SV2C: variants seen among roughly 807,000 people sequenced by gnomAD.
SV2C encodes synaptic vesicle glycoprotein 2C, also known as solute carrier family 22 member B3.
SV2C carries 49 observed loss-of-function variants against 79.7 expected under a neutral mutation model. The ratio of observed to expected loss-of-function variants is 0.61; its 90% CI spans 0.49 to 0.78. SV2C has a LOEUF of 0.78. SV2C is among the 30% of genes least tolerant of loss of function. The pLI is 0.00. For missense variants in SV2C, 833 were observed against 912.9 expected (o/e 0.91, Z 1.13); for synonymous variants, 334 against 333.2 (o/e 1.00, Z -0.03).
the SV2C span, among the ~76,000 whole-genome samples, chr5:75,964,253 G>C: frequency 6.6e-6 from 1 of 152,136 alleles, no homozygotes; most frequent in African/African-American, 2.4e-5. Context: ...TGGTGAGGCT[G>C]TTCTACCAAC....
intron 4 of SV2C, among the ~76,000 whole-genome samples, chr5:76,245,906 AGG>A (rs1432696122): frequency 1.5e-5 from 2 of 130,544 alleles, no homozygotes; most frequent in South Asian, 5.1e-4. Context: ...CTATTGAGGC[AGG>A]GGAGTGTGTG....
chr5:76,046,016 A>G, the SV2C span, among the ~76,000 whole-genome samples: 1 of 152,206 alleles, frequency 6.6e-6, no homozygotes, highest in African/African-American at 2.4e-5. Context: ...AAAACAGACT[A>G]TGAGTCTGTA....
Position 76,298,831 on chromosome 5 carries a change from G to C in SV2C, c.1540G>C (p.Asp514His), listed in dbSNP as rs1360069562. ...GVKFKSVTFKDSVFKSCTFED... is the reference protein window; with the variant it reads ...GVKFKSVTFKHSVFKSCTFED... ...CAAGTTCAAATCTGTAACTTTCAAA[G>C]ACTCTGTTTTTAAGTCCTGCACCTT... The change falls in exon 10 of 13, where the codon GAC becomes CAC. Residue 514 changes from aspartate to histidine, a missense_variant. Physicochemically the swap from Asp to His is moderately conservative, Grantham distance 81. Transcript: ENST00000502798. 6.2e-7 allele frequency: 1 copy of C among 1,613,958 alleles called. No individual in the cohort carries two copies.
At chr5:76,236,094 G>T (rs1205281364) in intron 4 of SV2C, among the ~76,000 whole-genome samples, 1 of 152,130 alleles carries the variant, frequency 6.6e-6, no homozygotes, top group Non-Finnish European at 1.5e-5. Context: ...GTTGGCACAT[G>T]CTCCACACAC....
intron 2 of SV2C, among the ~76,000 whole-genome samples, chr5:76,158,486 A>G (rs2112243770): frequency 6.6e-6 from 1 of 152,066 alleles, no homozygotes; most frequent in East Asian, 1.9e-4. Context: ...AAGACAATTT[A>G]TTAGGATGAT....
the SV2C span, among the ~76,000 whole-genome samples, chr5:75,917,146 T>C: frequency 6.6e-6 from 1 of 152,222 alleles, no homozygotes; most frequent in Non-Finnish European, 1.5e-5. Flanking sequence ...AAACTATTTG[T>C]ACTTTAATCT....
rs747727420 is a variant in SV2C, at chr5:76,300,839, T to C, written c.1747T>C (p.Tyr583His). ...FDDDYSAYWI[Y>H]FVNFLGTLAV... ...TGATGACTATAGTGCCTACTGGATT[T>C]ATTTTGTCAACTTTCTGGGGACATT... is the stretch of plus-strand genomic sequence containing the variant. Residue 583 changes from tyrosine (Y) to histidine (H), a missense_variant, in exon 11 of 13, where the codon TAT (tyrosine) becomes CAT (histidine). By Grantham distance (83) the Tyr-to-His change is moderately conservative. Transcript: ENST00000502798. The C allele has an allele frequency of 1.9e-6, 3 of 1,614,206 alleles. No homozygotes were observed. The South Asian group carries it at 3.3e-5, about 18-fold the overall frequency.
chr5:76,351,012 C>CAAA (rs57145451), intron 12 of SV2C, among the ~76,000 whole-genome samples: 8 of 136,510 alleles, frequency 5.9e-5, no homozygotes, highest in African/African-American at 2.1e-4. Context: ...GACTCCATCT[C>CAAA]AAAAAAAAAA....
At chr5:75,917,549 G>A in the SV2C span, among the ~76,000 whole-genome samples, 3 of 152,158 alleles carry the variant, frequency 2.0e-5, no homozygotes, top group African/African-American at 7.2e-5. Flanking sequence ...TATGTTAAGT[G>A]AAATAAGCCA....
intron 4 of SV2C, among the ~76,000 whole-genome samples, chr5:76,246,478 G>A (rs563678570): frequency 6.6e-6 from 1 of 152,272 alleles, no homozygotes; most frequent in East Asian, 1.9e-4. Context: ...ACTCTGACAG[G>A]CAGCTAGACA....
rs1745461318 is a variant in SV2C at position 76,232,638 on chromosome 5, GT to G, written c.913+22754del. On this transcript the variant is annotated intron_variant, in intron 4 of 12. Coordinates refer to ENST00000502798, the MANE Select transcript of SV2C (RefSeq NM_014979.4). ...GTATAAGGTGTAAGGAAGGGATCCA[GT>G]TTCAGCTTTCTACATATGGCTAGCC... is the stretch of plus-strand genomic sequence containing the variant. Among the ~76,000 whole-genome samples the G allele has an allele frequency of 4.0e-5, 6 of 148,900 alleles. No individual in the cohort carries two copies. The South Asian group carries it at 1.3e-3, about 31-fold the overall frequency.
At chr5:76,295,239 A>T (rs1007108471) in intron 8 of SV2C, among the ~76,000 whole-genome samples, 16 of 152,180 alleles carry the variant, frequency 1.1e-4, no homozygotes, top group Non-Finnish European at 5.9e-5. Context: ...TGCTTCCAAG[A>T]TGGCAGCTTG....
the SV2C span, among the ~76,000 whole-genome samples, chr5:75,989,614 A>G: frequency 6.6e-6 from 1 of 151,932 alleles, no homozygotes; most frequent in East Asian, 1.9e-4. Flanking sequence ...GTGTCTTTAT[A>G]GTAGAATGAT....
At chr5:76,295,991 A>T (rs1156922136) in intron 9 of SV2C, 49 bp downstream of exon 9, 1 of 1,503,624 alleles carries the variant, frequency 6.7e-7, no homozygotes. Flanking sequence ...ACAAAAACTT[A>T]TTTCTTCTTA....
At chr5:75,980,010 T>C in the SV2C span, among the ~76,000 whole-genome samples, 1 of 151,812 alleles carries the variant, frequency 6.6e-6, no homozygotes, top group Non-Finnish European at 1.5e-5. Context: ...AAGACGCAAA[T>C]AAACACGATC....
At chr5:76,260,294 A>G (rs907375207) in intron 4 of SV2C, among the ~76,000 whole-genome samples, 1 of 151,638 alleles carries the variant, frequency 6.6e-6, no homozygotes, top group Non-Finnish European at 1.5e-5. Context: ...GAGGTCGTTT[A>G]TTTTTTTCTT....
chr5:76,101,931 A>G (rs79878436), intron 1 of SV2C, among the ~76,000 whole-genome samples: 3,694 of 152,266 alleles, frequency 0.024, 156 homozygotes, highest in African/African-American at 0.084. Context: ...GGTTCCCAAC[A>G]CATGCTGCTG....
At chr5:76,166,242 T>G (rs1743043591) in intron 2 of SV2C, among the ~76,000 whole-genome samples, 1 of 152,202 alleles carries the variant, frequency 6.6e-6, no homozygotes, top group Admixed American at 6.5e-5. Context: ...AATGACACAG[T>G]AGCTTCCACA....
the SV2C span, among the ~76,000 whole-genome samples, chr5:75,871,506 G>T: frequency 6.6e-6 from 1 of 152,088 alleles, no homozygotes; most frequent in African/African-American, 2.4e-5. Flanking sequence ...ATGTAAGTTT[G>T]CCAGTTAAAA....
Sources: gnomAD v4.1 joint callset for allele counts (sites outside exome capture counted in the v4.1 genomes callset) on GRCh38, gnomAD v4.1.1 for gene constraint, MANE v1.5 for transcripts, NCBI Gene and HGNC (gene_info 2026-07-23, HGNC 2026-07-21) for gene names.